PCBP2: variants seen among roughly 807,000 people sequenced by gnomAD.
PCBP2 encodes the protein poly(rC) binding protein 2, also known as poly(rC)-binding protein 2.
A neutral mutation model predicts 50.1 loss-of-function variants in PCBP2; 4 were observed. That is an observed-to-expected ratio of 0.08 (90% CI 0.04 to 0.18). PCBP2 has a LOEUF of 0.18. Among genes scored for constraint, PCBP2 ranks in the 10% least tolerant of loss-of-function variants. The pLI is 1.00. For missense variants in PCBP2, 161 were observed against 474.3 expected (o/e 0.34, Z 6.14); for synonymous variants, 179 against 168.0 (o/e 1.07, Z -0.51).
chr12:53,463,138 G>A (rs944402613), intron 8 of PCBP2, among the ~76,000 whole-genome samples: 1 of 152,192 alleles, frequency 6.6e-6, no homozygotes, highest in African/African-American at 2.4e-5. Flanking sequence ...CAGTGTGCAA[G>A]AATAGAAGGG....
intron 14 of PCBP2, among the ~76,000 whole-genome samples, chr12:53,477,665 C>CAAAAAAAAAA (rs61213286): frequency 2.5e-4 from 13 of 52,886 alleles, no homozygotes; most frequent in East Asian, 2.0e-3. Context: ...GACTCTGTCT[C>CAAAAAAAAAA]AAAAAAAAAA....
intron 6 of PCBP2, chr12:53,460,182 T>C (rs1327081193): frequency 4.5e-6 from 1 of 222,292 alleles, no homozygotes; most frequent in African/African-American, 2.3e-5. Flanking sequence ...TCACTCAGGC[T>C]GAAGTGCAGG....
At chr12:53,478,013 G>A (rs1942750726) in intron 14 of PCBP2, among the ~76,000 whole-genome samples, 1 of 152,178 alleles carries the variant, frequency 6.6e-6, no homozygotes, top group Non-Finnish European at 1.5e-5. Flanking sequence ...GAAGCATACT[G>A]AGTACTTAAA....
At chr12:53,452,617 A>G (rs1326808379) in intron 1 of PCBP2, among the ~76,000 whole-genome samples, 1 of 147,496 alleles carries the variant, frequency 6.8e-6, no homozygotes, top group African/African-American at 2.5e-5. Flanking sequence ...GCGGCTGCGC[A>G]GGAGTCAGGG....
rs775779631 is a variant in PCBP2 at position 53,461,170 on chromosome 12, T to C, written c.504+27T>C. The C allele has an allele frequency of 3.1e-6, 5 of 1,611,532 alleles. No individual in the cohort carries two copies. The African/African-American group carries it at 6.7e-5, about 22-fold the overall frequency. ...TAAGCCCTCAGGCTCATGCTGAAAA[T>C]GGGGGGAGGGCCATTCTGGGGACAG... On this transcript the variant is annotated intron_variant, in intron 7 of 14. Coordinates refer to ENST00000546463, the MANE Select transcript of PCBP2 (RefSeq NM_031989.5).
intron 10 of PCBP2, 146 bp from the exon 11 acceptor site, chr12:53,467,075 G>C: frequency 1.6e-6 from 1 of 615,852 alleles, no homozygotes; most frequent in Non-Finnish European, 2.9e-6. Context: ...CCAGGATTGT[G>C]ATGCAAGCCC....
intron 14 of PCBP2, 40 bp downstream of exon 14, chr12:53,471,847 A>G (rs369606464): frequency 5.7e-6 from 9 of 1,575,186 alleles, no homozygotes; most frequent in Non-Finnish European, 7.8e-6. Flanking sequence ...ATGCCAACAC[A>G]GTAATGTGTG....
intron 7 of PCBP2, 28 bp downstream of exon 7, chr12:53,461,171 G>C (rs763092426): frequency 8.7e-6 from 14 of 1,610,476 alleles, no homozygotes; most frequent in East Asian, 2.2e-5. Context: ...TGCTGAAAAT[G>C]GGGGGAGGGC....
At chr12:53,455,213 T>C in intron 2 of PCBP2, 134 bp from the exon 3 acceptor site, 1 of 806,402 alleles carries the variant, frequency 1.2e-6, no homozygotes. Flanking sequence ...AGCAGTCTGT[T>C]GGCTAGACAG....
Position 53,468,741 on chromosome 12 carries a change from G to A in PCBP2, c.827-36G>A, listed in dbSNP as rs777405255. The A allele has an allele frequency of 7.2e-6, 11 of 1,525,332 alleles. 1 individual carries two copies. In the South Asian group the frequency reaches 1.0e-4, roughly 14 times the overall value. The allele number at this position is 1,525,332 out of a possible 1,614,324, so 94.5% of individuals were successfully genotyped here. A position where few individuals can be genotyped will look rare whatever the true frequency, so the allele number is the denominator to read the frequency against. The stretch of plus-strand genomic sequence containing the variant: ...GCAAGTCAGTGAGGTTTTGAATGCT[G>A]TGCATTGAATTTGCTTGCTCTCTTC... On this transcript the variant is annotated intron_variant, in intron 12 of 14. Coordinates refer to ENST00000546463, the MANE Select transcript of PCBP2 (RefSeq NM_031989.5).
chr12:53,453,723 G>A (rs190679883), intron 1 of PCBP2, among the ~76,000 whole-genome samples: 4 of 152,314 alleles, frequency 2.6e-5, no homozygotes, highest in Admixed American at 2.6e-4. Context: ...CCTTTCTAAA[G>A]CTGTTACGAT....
chr12:53,471,564 G>GT (rs1942238119), intron 13 of PCBP2, 74 bp from the exon 14 acceptor site: 3 of 1,381,794 alleles, frequency 2.2e-6, no homozygotes, highest in Non-Finnish European at 2.9e-6. Context: ...AGGATTTGGG[G>GT]TGGGGGGGTG....
chr12:53,455,790 T>TC, intron 4 of PCBP2, 95 bp from the exon 5 acceptor site: 1 of 839,328 alleles, frequency 1.2e-6, no homozygotes, highest in Non-Finnish European at 2.0e-6. Context: ...TGCATCAGGA[T>TC]CATGTACATT....
chr12:53,465,042 CTTTTT>C (rs747714871), intron 9 of PCBP2, 190 bp downstream of exon 9: 2 of 391,256 alleles, frequency 5.1e-6, no homozygotes, highest in Non-Finnish European at 4.2e-6. Context: ...GTAACACCAA[CTTTTT>C]TTTTTTTTTT....
At chr12:53,457,543 C>T (rs1309539882) in intron 5 of PCBP2, among the ~76,000 whole-genome samples, 1 of 151,276 alleles carries the variant, frequency 6.6e-6, no homozygotes, top group Non-Finnish European at 1.5e-5. Context: ...ACTGAGTCTT[C>T]CTGTGTTGCC....
Position 53,473,226 on chromosome 12 carries a change from A to G in PCBP2, c.1052+1419A>G, listed in dbSNP as rs890915941. Among the ~76,000 whole-genome samples the G allele has an allele frequency of 4.0e-5, 6 of 151,842 alleles. No homozygotes were observed. In the East Asian group the frequency reaches 9.7e-4, roughly 25 times the overall value. On this transcript the variant is annotated intron_variant, in intron 14 of 14. Transcript: ENST00000546463. ...AGCCTCCCAAGTAGCTGGGACTTAC[A>G]GGCACGTGCCACCACGTCCAGCTAA...
chr12:53,481,160 G>A lies in PCBP2; in HGVS notation c.*1718G>A. ...ATAATTTATATAAATATTTCTCTAT[G>A]TACAAGGAATACGAGTGGCTTTCAT... On this transcript the variant is annotated 3_prime_UTR_variant, in exon 15 of 15. Coordinates refer to ENST00000546463, the MANE Select transcript of PCBP2 (RefSeq NM_031989.5). The A allele has an allele frequency of 7.8e-7, 1 of 1,280,018 alleles. No homozygotes were observed. Among genetic ancestry groups the A allele is most frequent in the Non-Finnish European group, 1.0e-6 (1 of 964,054 alleles). 79.3% of individuals were successfully genotyped at this position (1,280,018 alleles called of 1,614,324 possible). A position where few individuals can be genotyped will look rare whatever the true frequency, so the allele number is the denominator to read the frequency against.
In PCBP2 at chr12:53,460,008, C is replaced by T. The variant is rs540954213; in HGVS notation, c.375+605C>T. The T allele has an allele frequency of 1.4e-4, 47 of 330,124 alleles. 1 individual carries two copies. Among genetic ancestry groups the T allele is most frequent in the Admixed American group, 6.3e-4 (20 of 31,894 alleles). The allele number at this position is 330,124 out of a possible 1,614,324, so 20.4% of individuals were successfully genotyped here. A position where few individuals can be genotyped will look rare whatever the true frequency, so the allele number is the denominator to read the frequency against. ...TCCTGAGCTCAAGCAATCCACCCAC[C>T]TCAGGCTCCCAGTGTTATTACTACA... is the stretch of plus-strand genomic sequence containing the variant. On this transcript the variant is annotated intron_variant, in intron 6 of 14. Coordinates refer to ENST00000546463, the MANE Select transcript of PCBP2 (RefSeq NM_031989.5).
At chr12:53,456,953 C>T (rs186278559) in intron 5 of PCBP2, among the ~76,000 whole-genome samples, 6 of 152,268 alleles carry the variant, frequency 3.9e-5, no homozygotes, top group African/African-American at 7.2e-5. Flanking sequence ...TTTTGACCCC[C>T]GGGATTCTGG....
Sources: allele counts gnomAD v4.1 joint callset (sites outside exome capture counted in the v4.1 genomes callset), GRCh38; gene constraint gnomAD v4.1.1; transcripts MANE v1.5; gene names NCBI Gene and HGNC (gene_info 2026-07-23, HGNC 2026-07-21).